WNK3: variants seen among roughly 807,000 people sequenced by gnomAD.
WNK3 encodes the protein serine/threonine-protein kinase WNK3.
A neutral mutation model predicts 116.7 loss-of-function variants in WNK3; 18 were observed. That is an observed-to-expected ratio of 0.15 (90% CI 0.11 to 0.23). WNK3 has a LOEUF of 0.23. WNK3 is among the 10% of genes least tolerant of loss of function. The pLI is 1.00. For synonymous variants in WNK3, 404 were observed against 469.4 expected (o/e 0.86, Z 1.80); for missense variants, 993 against 1,323.8 (o/e 0.75, Z 3.88).
intron 1 of WNK3, among the ~76,000 whole-genome samples, chrX:54,337,770 T>C (rs2069261993): frequency 9.3e-6 from 1 of 107,525 alleles, no homozygotes; most frequent in African/African-American, 3.4e-5. Flanking sequence ...ATAAATAAAA[T>C]AAAATAAAAT....
intron 20 of WNK3, among the ~76,000 whole-genome samples, chrX:54,234,742 C>T (rs1405570419): frequency 1.9e-5 from 2 of 107,247 alleles, no homozygotes; most frequent in Non-Finnish European, 3.8e-5. Flanking sequence ...AGGAGAATGG[C>T]GTGAACCCAG....
intron 21 of WNK3, among the ~76,000 whole-genome samples, chrX:54,231,789 G>A (rs782182792): frequency 3.6e-5 from 4 of 110,753 alleles, no homozygotes; most frequent in South Asian, 3.8e-4. Flanking sequence ...GGACGTTTTC[G>A]GGGGGAATTA....
chrX:54,336,239 G>C (rs781952871), intron 1 of WNK3, among the ~76,000 whole-genome samples: 25 of 110,967 alleles, frequency 2.3e-4, no homozygotes, highest in Admixed American at 1.4e-3. Flanking sequence ...TGAATCGCTT[G>C]AACCTGGGAG....
intron 17 of WNK3, among the ~76,000 whole-genome samples, chrX:54,247,665 T>C (rs1168060579): frequency 2.7e-5 from 3 of 110,339 alleles, no homozygotes; most frequent in African/African-American, 6.6e-5. Context: ...ATATATACTA[T>C]GTACAAGTAT....
upstream of WNK3, among the ~76,000 whole-genome samples, chrX:54,358,354 GAGA>G (rs35843910): frequency 1.7e-4 from 18 of 104,740 alleles, no homozygotes; most frequent in South Asian, 4.6e-4. Context: ...TCTCCCCTCA[GAGA>G]AGAAGAAGAA....
At chrX:54,317,308 T>C (rs1329902864) in intron 2 of WNK3, among the ~76,000 whole-genome samples, 4 of 110,047 alleles carry the variant, frequency 3.6e-5, no homozygotes, top group Admixed American at 2.0e-4. Context: ...TACAGGCACA[T>C]GCCACCATGC....
intron 22 of WNK3, among the ~76,000 whole-genome samples, chrX:54,226,915 A>T (rs977424177): frequency 1.2e-4 from 13 of 111,499 alleles, no homozygotes; most frequent in Admixed American, 3.8e-4. Context: ...TAGGCAATAG[A>T]TTTTTTTTCT....
At chrX:54,280,824 T>C (rs2068507886) in intron 10 of WNK3, among the ~76,000 whole-genome samples, 1 of 110,944 alleles carries the variant, frequency 9.0e-6, no homozygotes, top group Non-Finnish European at 1.9e-5. Context: ...AAACTAACCA[T>C]TGGGTACTAT....
intron 22 of WNK3, among the ~76,000 whole-genome samples, chrX:54,205,236 C>A (rs868942601): frequency 1.2e-5 from 1 of 85,267 alleles, no homozygotes; most frequent in Non-Finnish European, 2.1e-5. Context: ...AAAACCAAAC[C>A]AACCAACCAA....
Position 54,251,390 on chromosome X carries a change from T to G in WNK3, c.2575+9A>C. 2 of 1,143,367 alleles carry G rather than the reference T, an allele frequency of 1.7e-6. No homozygotes were observed. The highest frequency in any genetic ancestry group is 2.4e-6 in the Non-Finnish European group (2 of 850,898). 94.2% of individuals were successfully genotyped at this position (1,143,367 alleles called of 1,213,427 possible). ...AAACCAAATGATAAATTTTACTAAA[T>G]ATACTTACTGCTGGTTTGAGTAGAT... On this transcript the variant is annotated intron_variant, in intron 15 of 23. Transcript: ENST00000354646.
chrX:54,233,261 T>TA (rs782394068), intron 20 of WNK3, among the ~76,000 whole-genome samples: 1,857 of 76,867 alleles, frequency 0.024, 55 homozygotes, highest in African/African-American at 0.059. Flanking sequence ...CCTATCTCTC[T>TA]AAAAAAAAAA....
At chrX:54,196,406 A>ATTTT (rs782243828) in exon 24 of WNK3, 1 of 83,970 alleles carries the variant, frequency 1.2e-5, no homozygotes, top group African/African-American at 4.4e-5. Context: ...CATAAAACAC[A>ATTTT]TTTTTTTTTT....
At chrX:54,332,187 TG>T (rs1260997665) in intron 2 of WNK3, among the ~76,000 whole-genome samples, 3 of 112,362 alleles carry the variant, frequency 2.7e-5, no homozygotes, top group African/African-American at 9.7e-5. Context: ...ACATTTATTA[TG>T]GAACCAAATA....
At chrX:54,293,905 G>A (rs1446409759) in intron 8 of WNK3, among the ~76,000 whole-genome samples, 4 of 112,106 alleles carry the variant, frequency 3.6e-5, no homozygotes, top group East Asian at 5.6e-4. Flanking sequence ...GGCTGGGCGC[G>A]GTGGCTCATG....
At chrX:54,197,363 T>G (rs1436999623) in exon 24 of WNK3, 1 of 112,093 alleles carries the variant, frequency 8.9e-6, no homozygotes, top group Non-Finnish European at 1.9e-5. Flanking sequence ...CAATTCTGTT[T>G]TTTCCCTTTC....
At chrX:54,250,787 T>A (rs58715666) in intron 15 of WNK3, among the ~76,000 whole-genome samples, 12,836 of 110,511 alleles carry the variant, frequency 0.12, 1,365 homozygotes, top group African/African-American at 0.34. Context: ...TGTAATTTCT[T>A]CAGGGGTGCT....
chrX:54,286,850 T>G (rs2068586626), intron 10 of WNK3, among the ~76,000 whole-genome samples: 1 of 106,998 alleles, frequency 9.3e-6, no homozygotes, highest in Admixed American at 1.0e-4. Flanking sequence ...GAGGCAGAGA[T>G]TGCAGTGACC....
intron 13 of WNK3, among the ~76,000 whole-genome samples, chrX:54,252,640 A>G (rs1460851522): frequency 9.6e-6 from 1 of 104,556 alleles, no homozygotes; most frequent in African/African-American, 3.6e-5. Context: ...ACTGCCCTCC[A>G]GCCTGGGCAA....
intron 1 of WNK3, among the ~76,000 whole-genome samples, chrX:54,335,511 A>G (rs2069223155): frequency 9.0e-6 from 1 of 111,683 alleles, no homozygotes; most frequent in Admixed American, 9.7e-5. Context: ...ACAATCATGC[A>G]CTGCAAAGTT....
Sources: gnomAD v4.1 joint callset for allele counts (sites outside exome capture counted in the v4.1 genomes callset) on GRCh38, gnomAD v4.1.1 for gene constraint, MANE v1.5 for transcripts, NCBI Gene and HGNC (gene_info 2026-07-23, HGNC 2026-07-21) for gene names.